Variants in VWC2 observed in about 807,000 individuals in gnomAD.
VWC2 encodes the protein brorin.
A neutral mutation model predicts 29.8 loss-of-function variants in VWC2; 14 were observed. That is an observed-to-expected ratio of 0.47 (90% CI 0.31 to 0.74). The LOEUF (loss-of-function observed/expected upper bound fraction) is 0.74. Ranked by LOEUF, VWC2 falls within the 30% of genes least tolerant of loss-of-function variation. The probability of loss-of-function intolerance (pLI) is 0.05; values close to 1 mark genes in which losing one functional copy is unlikely to be tolerated. For synonymous variants in VWC2, 213 were observed against 199.0 expected (o/e 1.07, Z -0.59); for missense variants, 457 against 459.8 (o/e 0.99, Z 0.05).
intron 3 of VWC2, among the ~76,000 whole-genome samples, chr7:49,822,268 A>G (rs926854834): frequency 1.5e-4 from 23 of 152,226 alleles, no homozygotes; most frequent in African/African-American, 4.6e-4. Context: ...GTCATATATC[A>G]ATCACGTAGT....
intron 3 of VWC2, among the ~76,000 whole-genome samples, chr7:49,824,651 A>T (rs1789350917): frequency 6.6e-6 from 1 of 152,180 alleles, no homozygotes; most frequent in Non-Finnish European, 1.5e-5. Flanking sequence ...AAAAACAGAC[A>T]TCTTAACCAG....
intron 3 of VWC2, among the ~76,000 whole-genome samples, chr7:49,860,919 A>G (rs549462018): frequency 1.6e-4 from 24 of 152,340 alleles, no homozygotes; most frequent in Non-Finnish European, 3.5e-4. Context: ...CAAACCTCCC[A>G]ATACCTTGAC....
At chr7:49,879,792 A>ATCCC (rs553575793) in intron 3 of VWC2, among the ~76,000 whole-genome samples, 142 of 151,888 alleles carry the variant, frequency 9.3e-4, no homozygotes, top group Non-Finnish European at 1.9e-3. Flanking sequence ...TATTCTTATA[A>ATCCC]TTTTAGGTGT....
chr7:49,883,695 C>G (rs1431072229), intron 3 of VWC2, among the ~76,000 whole-genome samples: 2 of 152,184 alleles, frequency 1.3e-5, no homozygotes, highest in Non-Finnish European at 2.9e-5. Flanking sequence ...GATAGCTGCA[C>G]TTCCTCAAAC....
At position 49,885,008 on chromosome 7, in the gene VWC2, G is replaced by C. The variant is rs544982594; in HGVS notation, c.827-27026G>C. 1.4e-4 allele frequency among the ~76,000 whole-genome samples: 21 copies of C among 152,132 alleles called. No individual in the cohort carries two copies. The East Asian group carries it at 4.0e-3, about 29-fold the overall frequency. The stretch of plus-strand genomic sequence containing the variant: ...TTTGAAATTAGGAAATAGGATATAA[G>C]TGTTGTATGGCTAAATTTAAAATTA... On this transcript the variant is annotated intron_variant, in intron 3 of 3. Coordinates refer to ENST00000340652, the MANE Select transcript of VWC2 (RefSeq NM_198570.5).
chr7:49,904,776 C>G lies in VWC2; in HGVS notation c.827-7258C>G, dbSNP rs1792995929. On this transcript the variant is annotated intron_variant, in intron 3 of 3. Transcript: ENST00000340652. ...TTTGAGATGGAGTATCACTCTGTCGCCCAGGTTGGAGTGCAGTGGCGCGAT... is the reference window on the plus strand; with the variant it reads ...TTTGAGATGGAGTATCACTCTGTCGGCCAGGTTGGAGTGCAGTGGCGCGAT... 6.1e-5 allele frequency among the ~76,000 whole-genome samples: 9 copies of G among 147,882 alleles called. 1 individual carries two copies. In the South Asian group the frequency reaches 1.9e-3, roughly 31 times the overall value.
intron 3 of VWC2, among the ~76,000 whole-genome samples, chr7:49,820,935 G>A (rs79057365): frequency 0.014 from 2,202 of 152,312 alleles, 34 homozygotes; most frequent in African/African-American, 0.036. Flanking sequence ...AGTGATGAGC[G>A]TGGTCAGGTA....
intron 3 of VWC2, among the ~76,000 whole-genome samples, chr7:49,854,243 C>T (rs1343397128): frequency 6.6e-6 from 1 of 152,072 alleles, no homozygotes; most frequent in Non-Finnish European, 1.5e-5. Context: ...AATGGGATGG[C>T]TGGGTCAAAT....
intron 2 of VWC2, among the ~76,000 whole-genome samples, chr7:49,788,514 TGA>T (rs1190703793): frequency 2.6e-5 from 4 of 150,950 alleles, no homozygotes; most frequent in Admixed American, 6.6e-5. Flanking sequence ...TGAGTGTGTG[TGA>T]GTGTGGGTGT....
chr7:49,915,031 A>G lies in VWC2; in HGVS notation c.*2846A>G, dbSNP rs1322990464. On this transcript the variant is annotated 3_prime_UTR_variant, in exon 4 of 4. Coordinates refer to ENST00000340652, the MANE Select transcript of VWC2 (RefSeq NM_198570.5). ...TCAACCCATATTTAGATCTGAAAGT[A>G]TAAAGCTACTTATGTAAGCAATAGA... 1.1e-4 allele frequency: 17 copies of G among 152,238 alleles called. No individual in the cohort carries two copies. The highest frequency in any genetic ancestry group is 3.6e-4 in the African/African-American group (15 of 41,472). The allele number at this position is 152,238 out of a possible 1,614,324, so 9.4% of individuals were successfully genotyped here.
At position 49,857,962 on chromosome 7, in the gene VWC2, C is replaced by T. The variant is rs1331608566; in HGVS notation, c.827-54072C>T. Among the ~76,000 whole-genome samples, 3 of 152,248 alleles carry T rather than the reference C, an allele frequency of 2.0e-5. No individual in the cohort carries two copies. The East Asian group carries it at 5.8e-4, about 29-fold the overall frequency. ...TCAGAGATGAGACCACACAGGCTTT[C>T]CCAGAACATCAGATTTCTTTTTCTT... is the stretch of plus-strand genomic sequence containing the variant. On this transcript the variant is annotated intron_variant, in intron 3 of 3. Coordinates refer to ENST00000340652, the MANE Select transcript of VWC2 (RefSeq NM_198570.5).
chr7:49,832,541 C>T (rs1440904547), intron 3 of VWC2, among the ~76,000 whole-genome samples: 7 of 152,138 alleles, frequency 4.6e-5, no homozygotes, highest in Non-Finnish European at 1.0e-4. Flanking sequence ...AGTTACTTTC[C>T]TTACAGGGTT....
At chr7:49,905,983 C>A (rs748310368) in intron 3 of VWC2, among the ~76,000 whole-genome samples, 2 of 151,378 alleles carry the variant, frequency 1.3e-5, no homozygotes, top group Non-Finnish European at 3.0e-5. Flanking sequence ...AGGGGAGGAA[C>A]CCTCAGTTCT....
At chr7:49,881,313 G>C (rs1464622222) in intron 3 of VWC2, among the ~76,000 whole-genome samples, 1 of 152,052 alleles carries the variant, frequency 6.6e-6, no homozygotes, top group Admixed American at 6.6e-5. Flanking sequence ...GCCTATAAGA[G>C]ACTCCACCCA....
chr7:49,801,593 G>C (rs1308334193), intron 2 of VWC2, among the ~76,000 whole-genome samples: 1 of 152,230 alleles, frequency 6.6e-6, no homozygotes, highest in Non-Finnish European at 1.5e-5. Flanking sequence ...GGCAGAGTAT[G>C]AGCCCATGGC....
chr7:49,782,470 G>A (rs559178386), intron 2 of VWC2, among the ~76,000 whole-genome samples: 8 of 152,044 alleles, frequency 5.3e-5, no homozygotes, highest in East Asian at 3.9e-4. Context: ...TCATCTGAAC[G>A]GTGGGGTGAA....
At chr7:49,818,453 T>C (rs1290568240) in intron 3 of VWC2, among the ~76,000 whole-genome samples, 1 of 152,192 alleles carries the variant, frequency 6.6e-6, no homozygotes, top group Non-Finnish European at 1.5e-5. Context: ...TTTAAGCACT[T>C]ATGTCTTATG....
At chr7:49,848,444 G>A (rs1401024460) in intron 3 of VWC2, among the ~76,000 whole-genome samples, 2 of 152,222 alleles carry the variant, frequency 1.3e-5, no homozygotes, top group African/African-American at 4.8e-5. Flanking sequence ...AGGACACATG[G>A]GATCCTCTGT....
At chr7:49,871,908 AACACACACACACACACAC>A (rs72332840) in intron 3 of VWC2, among the ~76,000 whole-genome samples, 88 of 87,918 alleles carry the variant, frequency 1.0e-3, no homozygotes, top group African/African-American at 1.1e-3. Context: ...TGTGTATATA[AACACACACACACACACAC>A]ACACACACAC....
Sources: gnomAD v4.1 joint callset for allele counts (sites outside exome capture counted in the v4.1 genomes callset) on GRCh38, gnomAD v4.1.1 for gene constraint, MANE v1.5 for transcripts, NCBI Gene and HGNC (gene_info 2026-07-23, HGNC 2026-07-21) for gene names.